Variants in RYK observed in about 807,000 individuals in gnomAD.
RYK encodes the protein receptor like tyrosine kinase.
In RYK, 21 loss-of-function variants were observed where a neutral mutation model predicts 70.2. The ratio of observed to expected loss-of-function variants is 0.30; its 90% CI spans 0.21 to 0.43. The LOEUF is 0.43. Among genes scored for constraint, RYK ranks in the 20% least tolerant of loss-of-function variants. The probability of loss-of-function intolerance (pLI) is 1.00; values close to 1 mark genes in which losing one functional copy is unlikely to be tolerated. For missense variants in RYK, 604 were observed against 753.3 expected, an observed-to-expected ratio of 0.80 and a Z score of 2.32; for synonymous variants, 267 against 278.0, an observed-to-expected ratio of 0.96 and a Z score of 0.39.
chr3:134,208,486 G>A (rs2014282763), intron 4 of RYK, among the ~76,000 whole-genome samples: 1 of 152,098 alleles, frequency 6.6e-6, no homozygotes, highest in African/African-American at 2.4e-5. Context: ...CATGGAAGTT[G>A]GTATATAACT....
intron 5 of RYK, 31 bp downstream of exon 5, chr3:134,207,441 T>A: frequency 1.4e-6 from 2 of 1,414,770 alleles, no homozygotes; most frequent in Non-Finnish European, 1.9e-6. Context: ...TCATTTCTAA[T>A]AATGGATAAA....
chr3:134,157,407 G>A lies in RYK; in HGVS notation c.*746C>T, dbSNP rs146782233. 2.5e-4 allele frequency: 38 copies of A among 152,226 alleles called. No individual in the cohort carries two copies. The highest frequency in any genetic ancestry group is 9.1e-4 in the African/African-American group (38 of 41,534). The allele number at this position is 152,226 out of a possible 1,614,324, so 9.4% of individuals were successfully genotyped here. Reference sequence around the variant, plus strand: ...AATCACCATTGTTTACTACAGATCTGCCCCAAACCACATCTGGTTCACAGA... The same window carrying A: ...AATCACCATTGTTTACTACAGATCTACCCCAAACCACATCTGGTTCACAGA... On this transcript the variant is annotated 3_prime_UTR_variant, in exon 15 of 15. Coordinates refer to ENST00000623711, the MANE Select transcript of RYK (RefSeq NM_002958.4).
At chr3:134,217,863 A>C (rs2014609133) in intron 2 of RYK, among the ~76,000 whole-genome samples, 1 of 152,192 alleles carries the variant, frequency 6.6e-6, no homozygotes, top group South Asian at 2.1e-4. Context: ...TACTCATAAG[A>C]TTAATTTTTA....
intron 10 of RYK, chr3:134,179,886 C>G (rs930716707): frequency 6.6e-6 from 1 of 152,292 alleles, no homozygotes; most frequent in East Asian, 1.9e-4. Context: ...ATCTTTTATT[C>G]CACTACCACA....
intron 10 of RYK, 137 bp downstream of exon 10, chr3:134,182,865 T>C (rs903905589): frequency 1.4e-5 from 7 of 485,066 alleles, no homozygotes; most frequent in Non-Finnish European, 2.2e-5. Flanking sequence ...TGCATTTCAC[T>C]TTTATATTCA....
chr3:134,167,592 T>A (rs1225117340), intron 13 of RYK, among the ~76,000 whole-genome samples: 1 of 152,160 alleles, frequency 6.6e-6, no homozygotes. Context: ...TGAAACTGGA[T>A]CCCTTCCTTA....
At chr3:134,224,611 A>G (rs1341692333) in intron 1 of RYK, among the ~76,000 whole-genome samples, 1 of 152,186 alleles carries the variant, frequency 6.6e-6, no homozygotes, top group East Asian at 1.9e-4. Flanking sequence ...GGGGAAAGGG[A>G]GAGTCCCTTT....
intron 9 of RYK, among the ~76,000 whole-genome samples, chr3:134,186,709 C>G (rs2013477702): frequency 6.6e-6 from 1 of 152,148 alleles, no homozygotes; most frequent in South Asian, 2.1e-4. Context: ...TCCAAGTATA[C>G]TCATTGTGTT....
intron 11 of RYK, among the ~76,000 whole-genome samples, chr3:134,176,911 G>A (rs2013122729): frequency 6.6e-6 from 1 of 152,034 alleles, no homozygotes; most frequent in South Asian, 2.1e-4. Flanking sequence ...AGCCGGGCGT[G>A]GTGGCAGGCG....
intron 2 of RYK, among the ~76,000 whole-genome samples, chr3:134,222,119 GT>G (rs2014757794): frequency 6.6e-6 from 1 of 152,110 alleles, no homozygotes; most frequent in Non-Finnish European, 1.5e-5. Context: ...GCATTATTGG[GT>G]CCAACTGTAC....
intron 13 of RYK, among the ~76,000 whole-genome samples, chr3:134,161,052 C>A (rs920115247): frequency 2.6e-5 from 4 of 152,106 alleles, no homozygotes; most frequent in African/African-American, 9.7e-5. Flanking sequence ...TGAGTCAACA[C>A]AAAGAATACA....
At chr3:134,249,433 ACACT>A (rs2015548526) in intron 1 of RYK, among the ~76,000 whole-genome samples, 1 of 152,152 alleles carries the variant, frequency 6.6e-6, no homozygotes, top group Admixed American at 6.5e-5. Context: ...TTCCCCTCAA[ACACT>A]CAGAAGCACC....
chr3:134,196,640 A>G (rs1435545807), intron 6 of RYK, among the ~76,000 whole-genome samples: 1 of 150,558 alleles, frequency 6.6e-6, no homozygotes, highest in Non-Finnish European at 1.5e-5. Context: ...GCTGCTATGT[A>G]ATCTATAACA....
chr3:134,178,113 C>T (rs1339073071), intron 10 of RYK, 40 bp from the exon 11 acceptor site: 2 of 1,440,118 alleles, frequency 1.4e-6, no homozygotes, highest in East Asian at 2.4e-5. Flanking sequence ...ACAAAGGAAT[C>T]CAAAATGTTA....
At position 134,172,151 on chromosome 3, in the gene RYK, A is replaced by C. The variant is rs7431604; in HGVS notation, c.1575+3458T>G. Among the ~76,000 whole-genome samples, 524 of 152,196 alleles carry C rather than the reference A, an allele frequency of 3.4e-3. 2 individuals are homozygous for C. The highest frequency in any genetic ancestry group is 0.012 in the African/African-American group (505 of 41,524). ...ATAAATAACAAAATAAAAATTTTAA[A>C]TCAACCACTGGAAATAAAAAAATTA... On this transcript the variant is annotated intron_variant, in intron 13 of 14. Transcript: ENST00000623711.
At chr3:134,196,443 T>A (rs1576515559) in intron 6 of RYK, among the ~76,000 whole-genome samples, 1 of 152,186 alleles carries the variant, frequency 6.6e-6, no homozygotes, top group East Asian at 1.9e-4. Flanking sequence ...AACTGGTGAT[T>A]TAAAAAAATA....
chr3:134,214,776 T>A (rs186111362), intron 2 of RYK, among the ~76,000 whole-genome samples: 1 of 152,154 alleles, frequency 6.6e-6, no homozygotes, highest in African/African-American at 2.4e-5. Context: ...TCACACTCAA[T>A]GTTTTTGTCC....
At chr3:134,200,126 G>C (rs904512799) in intron 6 of RYK, among the ~76,000 whole-genome samples, 1 of 152,050 alleles carries the variant, frequency 6.6e-6, no homozygotes, top group Non-Finnish European at 1.5e-5. Flanking sequence ...GGCCACCCAA[G>C]CCAGCAGCGG....
chr3:134,188,094 A>C (rs1259287757), intron 9 of RYK, among the ~76,000 whole-genome samples: 1 of 151,632 alleles, frequency 6.6e-6, no homozygotes, highest in Non-Finnish European at 1.5e-5. Context: ...ATGTGAAAAC[A>C]GTTATTCTGT....
Sources: allele counts gnomAD v4.1 joint callset (sites outside exome capture counted in the v4.1 genomes callset), GRCh38; gene constraint gnomAD v4.1.1; transcripts MANE v1.5; gene names NCBI Gene and HGNC (gene_info 2026-07-23, HGNC 2026-07-21).